GRID2: variants seen among roughly 807,000 people sequenced by gnomAD.
The protein encoded by GRID2 is glutamate receptor ionotropic, delta-2.
GRID2 carries 33 observed loss-of-function variants against 114.8 expected under a neutral mutation model. The observed-to-expected ratio is 0.29, with a 90% CI of 0.22 to 0.38. The LOEUF (loss-of-function observed/expected upper bound fraction) is 0.38. Ranked by LOEUF, GRID2 falls within the 10% of genes least tolerant of loss-of-function variation. The probability of loss-of-function intolerance (pLI) is 1.00; values close to 1 mark genes in which losing one functional copy is unlikely to be tolerated. For synonymous variants in GRID2, 505 were observed against 449.9 expected (o/e 1.12, Z -1.55); for missense variants, 1,184 against 1,257.7 (o/e 0.94, Z 0.89).
chr4:92,580,890 G>GTT (rs1553903037), intron 1 of GRID2, among the ~76,000 whole-genome samples: 1 of 113,232 alleles, frequency 8.8e-6, no homozygotes, highest in South Asian at 3.0e-4. Flanking sequence ...TTGCCTATTT[G>GTT]TTTTTTTTTT....
intron 1 of GRID2, among the ~76,000 whole-genome samples, chr4:92,385,927 A>G (rs971469990): frequency 6.8e-6 from 1 of 147,070 alleles, no homozygotes; most frequent in African/African-American, 2.5e-5. Context: ...TATATATATG[A>G]AATACACAGT....
chr4:92,437,244 A>T (rs139233146), intron 1 of GRID2, among the ~76,000 whole-genome samples: 87 of 152,314 alleles, frequency 5.7e-4, no homozygotes, highest in Middle Eastern at 6.8e-3. Flanking sequence ...ATGATTGGAA[A>T]AAAAATGATT....
Position 92,304,116 on chromosome 4 carries a change from T to C in GRID2, c.-541T>C, listed in dbSNP as rs1725251783. 6.2e-6 allele frequency: 1 copy of C among 161,350 alleles called. No homozygotes were observed. Among genetic ancestry groups the C allele is most frequent in the Non-Finnish European group, 1.3e-5 (1 of 74,480 alleles). The allele number at this position is 161,350 out of a possible 1,614,324, so 10.0% of individuals were successfully genotyped here. A position where few individuals can be genotyped will look rare whatever the true frequency, so the allele number is the denominator to read the frequency against. On this transcript the variant is annotated 5_prime_UTR_variant, in exon 1 of 16. Coordinates refer to ENST00000282020, the MANE Select transcript of GRID2 (RefSeq NM_001510.4). The stretch of plus-strand genomic sequence containing the variant: ...TTTTTCCCCCCTCCCTGGTGGAATC[T>C]GGCTGCTCCGTTTGGAATCTCCTAA...
chr4:93,738,473 A>C (rs565322796), intron 14 of GRID2, among the ~76,000 whole-genome samples: 3 of 152,126 alleles, frequency 2.0e-5, no homozygotes, highest in Non-Finnish European at 4.4e-5. Context: ...GACCCAGAGC[A>C]ATGGCTGTGG....
intron 10 of GRID2, among the ~76,000 whole-genome samples, chr4:93,455,112 G>A (rs993786954): frequency 1.3e-5 from 2 of 152,024 alleles, no homozygotes; most frequent in Non-Finnish European, 2.9e-5. Context: ...AATCATAGTA[G>A]TGACCTTAGG....
chr4:92,976,508 T>C (rs903568719), intron 2 of GRID2, among the ~76,000 whole-genome samples: 1 of 152,092 alleles, frequency 6.6e-6, no homozygotes, highest in Non-Finnish European at 1.5e-5. Context: ...TATATATATA[T>C]ACCCTTTTAT....
rs557256635 is a variant in GRID2 at position 92,689,633 on chromosome 4, T to A, written c.244+99347T>A. Among the ~76,000 whole-genome samples the A allele has an allele frequency of 7.2e-4, 110 of 152,310 alleles. 1 individual carries two copies. The highest frequency in any genetic ancestry group is 3.4e-3 in the Middle Eastern group (1 of 294). Reference sequence around the variant, plus strand: ...TGAGAATCCAACTAATTCATGATGATCAGAGGTAAAACAGTTTCATTTCGA... The same window carrying A: ...TGAGAATCCAACTAATTCATGATGAACAGAGGTAAAACAGTTTCATTTCGA... On this transcript the variant is annotated intron_variant, in intron 2 of 15. Coordinates refer to ENST00000282020, the MANE Select transcript of GRID2 (RefSeq NM_001510.4).
At chr4:92,469,950 A>G (rs1721952437) in intron 1 of GRID2, among the ~76,000 whole-genome samples, 2 of 151,986 alleles carry the variant, frequency 1.3e-5, no homozygotes, top group Admixed American at 1.3e-4. Flanking sequence ...AAATGTAATT[A>G]TATTAATAAG....
chr4:93,376,361 C>T (rs985224179), intron 8 of GRID2, among the ~76,000 whole-genome samples: 1 of 151,916 alleles, frequency 6.6e-6, no homozygotes, highest in African/African-American at 2.4e-5. Context: ...TCTAGATTTA[C>T]CAATTTGCAA....
chr4:93,697,046 T>C (rs1161706133), intron 14 of GRID2, among the ~76,000 whole-genome samples: 4 of 152,170 alleles, frequency 2.6e-5, no homozygotes, highest in Non-Finnish European at 4.4e-5. Context: ...AAAATTATTG[T>C]AAAATCAAAG....
At chr4:92,407,597 A>G (rs970055733) in intron 1 of GRID2, among the ~76,000 whole-genome samples, 6 of 151,956 alleles carry the variant, frequency 3.9e-5, no homozygotes, top group African/African-American at 1.2e-4. Flanking sequence ...AACATCTGTT[A>G]TTTTTTACTT....
intron 1 of GRID2, among the ~76,000 whole-genome samples, chr4:92,393,612 C>T (rs968740707): frequency 6.6e-6 from 1 of 152,054 alleles, no homozygotes; most frequent in African/African-American, 2.4e-5. Flanking sequence ...CTGTTCACTC[C>T]ATGTTTTATT....
intron 8 of GRID2, among the ~76,000 whole-genome samples, chr4:93,278,158 G>A (rs936815798): frequency 1.3e-5 from 2 of 151,722 alleles, no homozygotes; most frequent in Admixed American, 6.6e-5. Context: ...GGGAAACATC[G>A]ATAATGATTT....
At chr4:92,381,978 TC>T (rs1158609012) in intron 1 of GRID2, among the ~76,000 whole-genome samples, 6 of 152,100 alleles carry the variant, frequency 3.9e-5, no homozygotes, top group East Asian at 1.9e-4. Flanking sequence ...TCATGATTTT[TC>T]CCCCTAAGTG....
chr4:92,949,036 T>G (rs1751844493), intron 2 of GRID2, among the ~76,000 whole-genome samples: 1 of 151,718 alleles, frequency 6.6e-6, no homozygotes, highest in South Asian at 2.1e-4. Context: ...TTTCTCTTAG[T>G]TGAATAACAG....
chr4:93,170,870 C>A (rs1721392441), intron 4 of GRID2, among the ~76,000 whole-genome samples: 1 of 147,848 alleles, frequency 6.8e-6, no homozygotes, highest in Non-Finnish European at 1.5e-5. Flanking sequence ...TTTTTTTAAC[C>A]TATATGCAAT....
At chr4:93,278,038 G>C (rs983928969) in intron 8 of GRID2, among the ~76,000 whole-genome samples, 1 of 151,930 alleles carries the variant, frequency 6.6e-6, no homozygotes. Flanking sequence ...AAATGTGATT[G>C]CATCTGAAGA....
At chr4:93,031,771 G>C (rs973250652) in intron 2 of GRID2, among the ~76,000 whole-genome samples, 4 of 151,256 alleles carry the variant, frequency 2.6e-5, no homozygotes, top group Non-Finnish European at 5.9e-5. Context: ...AAATTACCCA[G>C]TCTTAGGTAT....
intron 8 of GRID2, among the ~76,000 whole-genome samples, chr4:93,281,719 A>G (rs1459055253): frequency 6.6e-6 from 1 of 152,052 alleles, no homozygotes; most frequent in African/African-American, 2.4e-5. Context: ...ATGTAATATA[A>G]GAAGTTCCTT....
Sources: gnomAD v4.1 joint callset for allele counts (sites outside exome capture counted in the v4.1 genomes callset) on GRCh38, gnomAD v4.1.1 for gene constraint, MANE v1.5 for transcripts, NCBI Gene and HGNC (gene_info 2026-07-23, HGNC 2026-07-21) for gene names.